Variants in RYR3 observed in about 807,000 individuals in gnomAD.
RYR3 encodes brain ryanodine receptor-calcium release channel.
RYR3 carries 207 observed loss-of-function variants against 584.3 expected under a neutral mutation model. That is an observed-to-expected ratio of 0.35 (90% CI 0.32 to 0.40). The LOEUF (loss-of-function observed/expected upper bound fraction) is 0.40, where lower values mean the gene tolerates loss of function less well. Among genes scored for constraint, RYR3 ranks in the 10% least tolerant of loss-of-function variants. The pLI is 1.00. For synonymous variants in RYR3, 2,416 were observed against 2,248.5 expected (o/e 1.07, Z -2.11); for missense variants, 5,616 against 6,089.2 (o/e 0.92, Z 2.59).
chr15:33,847,832 C>T (rs16958142), intron 93 of RYR3, among the ~76,000 whole-genome samples: 1 of 152,256 alleles, frequency 6.6e-6, no homozygotes, highest in African/African-American at 2.4e-5. Context: ...TGACCTTCAA[C>T]GCCATGAGAT....
At chr15:33,520,116 A>G (rs1051320561) in intron 3 of RYR3, among the ~76,000 whole-genome samples, 1 of 152,240 alleles carries the variant, frequency 6.6e-6, no homozygotes, top group Admixed American at 6.5e-5. Flanking sequence ...GAGGAGGATC[A>G]GATAACAAAA....
intron 9 of RYR3, among the ~76,000 whole-genome samples, chr15:33,549,448 T>C (rs1163436107): frequency 6.6e-6 from 1 of 152,232 alleles, no homozygotes; most frequent in Non-Finnish European, 1.5e-5. Flanking sequence ...AGATAAGTAT[T>C]TTGCATATGA....
chr15:33,355,918 A>G (rs558830802), intron 1 of RYR3, among the ~76,000 whole-genome samples: 2 of 152,320 alleles, frequency 1.3e-5, no homozygotes, highest in South Asian at 2.1e-4. Context: ...TCATTTGTCT[A>G]TTCAAAACTT....
chr15:33,472,045 T>A (rs1301620915), intron 1 of RYR3, among the ~76,000 whole-genome samples: 1 of 152,222 alleles, frequency 6.6e-6, no homozygotes, highest in Non-Finnish European at 1.5e-5. Flanking sequence ...TTCTTCAGTC[T>A]CAATTAAAAT....
chr15:33,597,967 C>G (rs890837730), intron 16 of RYR3, among the ~76,000 whole-genome samples: 2 of 151,234 alleles, frequency 1.3e-5, no homozygotes, highest in Non-Finnish European at 1.5e-5. Context: ...CAACCCTAGG[C>G]AATTGTCAGC....
rs2066263126 is a variant in RYR3 at position 33,701,000 on chromosome 15, A to G, written c.6403A>G (p.Thr2135Ala). 1 of 1,612,976 alleles carries G rather than the reference A, an allele frequency of 6.2e-7. No homozygotes were observed. Among genetic ancestry groups the G allele is most frequent in the African/African-American group, 1.3e-5 (1 of 74,820 alleles). ...AGCCTCCCCGTCGATGAGGGGATCCACCCCGCTGGATGTGGCAGCTTCCTC... is the reference window on the plus strand; with the variant it reads ...AGCCTCCCCGTCGATGAGGGGATCCGCCCCGCTGGATGTGGCAGCTTCCTC... ...GLASPSMRGSTPLDVAASSVM... is the reference protein window; with the variant it reads ...GLASPSMRGSAPLDVAASSVM... The change falls in exon 42 of 104, where the codon ACC (threonine) becomes GCC (alanine). Residue 2135 changes from threonine (T) to alanine (A), a missense_variant. By Grantham distance (58) the Thr-to-Ala change is moderately conservative (BLOSUM62 0). Coordinates refer to ENST00000634891, the MANE Select transcript of RYR3 (RefSeq NM_001036.6).
chr15:33,793,222 C>G (rs1200481624), intron 67 of RYR3, among the ~76,000 whole-genome samples: 1 of 152,164 alleles, frequency 6.6e-6, no homozygotes, highest in Non-Finnish European at 1.5e-5. Flanking sequence ...TGCAGAACCT[C>G]TGTGTCCACC....
chr15:33,518,672 G>T (rs913457964), intron 3 of RYR3, among the ~76,000 whole-genome samples: 2 of 152,174 alleles, frequency 1.3e-5, no homozygotes, highest in Non-Finnish European at 2.9e-5. Context: ...CCGGGTCCCA[G>T]CTTCCATTCA....
chr15:33,360,067 G>T (rs145584877), intron 1 of RYR3, among the ~76,000 whole-genome samples: 1 of 152,168 alleles, frequency 6.6e-6, no homozygotes, highest in African/African-American at 2.4e-5. Flanking sequence ...AGTTTCACAA[G>T]TTCCGGGATT....
At chr15:33,672,539 A>G (rs978247260) in intron 38 of RYR3, among the ~76,000 whole-genome samples, 10 of 152,224 alleles carry the variant, frequency 6.6e-5, no homozygotes, top group African/African-American at 2.4e-4. Context: ...TGTTCCAGAC[A>G]TGATGAATCC....
chr15:33,505,730 G>T (rs368399125), intron 3 of RYR3, among the ~76,000 whole-genome samples: 1 of 152,162 alleles, frequency 6.6e-6, no homozygotes, highest in Admixed American at 6.5e-5. Context: ...CTGACCTCGT[G>T]ATCTGCCCAC....
chr15:33,349,421 T>A (rs906976964), intron 1 of RYR3, among the ~76,000 whole-genome samples: 1 of 152,152 alleles, frequency 6.6e-6, no homozygotes, highest in Non-Finnish European at 1.5e-5. Flanking sequence ...TCCTGTTGCT[T>A]GCCATCCTTA....
intron 4 of RYR3, among the ~76,000 whole-genome samples, chr15:33,531,699 G>A (rs1009053722): frequency 4.0e-5 from 6 of 151,178 alleles, no homozygotes; most frequent in South Asian, 4.2e-4. Flanking sequence ...CTGAACATTC[G>A]TCTGCTGTAG....
chr15:33,643,823 A>G (rs549282233), intron 27 of RYR3, among the ~76,000 whole-genome samples: 62 of 152,320 alleles, frequency 4.1e-4, no homozygotes, highest in African/African-American at 1.4e-3. Context: ...AGGCTGCTAC[A>G]GTGCAGCAAG....
intron 47 of RYR3, among the ~76,000 whole-genome samples, chr15:33,729,469 C>A (rs1230544721): frequency 2.0e-5 from 3 of 152,112 alleles, no homozygotes; most frequent in African/African-American, 7.2e-5. Flanking sequence ...GGCTGGCTGG[C>A]AACATTATAG....
chr15:33,601,359 G>T, intron 16 of RYR3, 60 bp from the exon 17 acceptor site: 1 of 1,568,208 alleles, frequency 6.4e-7, no homozygotes. Context: ...GCATTGTGGT[G>T]GTCCTGCCTG....
Position 33,311,440 on chromosome 15 carries a change from A to G in RYR3, c.51+344A>G, listed in dbSNP as rs1255200615. Among the ~76,000 whole-genome samples, 7 of 152,268 alleles carry G rather than the reference A, an allele frequency of 4.6e-5. No individual in the cohort carries two copies. In the South Asian group the frequency reaches 1.2e-3, roughly 27 times the overall value. On this transcript the variant is annotated intron_variant, in intron 1 of 103. Coordinates refer to ENST00000634891, the MANE Select transcript of RYR3 (RefSeq NM_001036.6). This position sits in a 1 kb window ranked among gnomAD's most constrained non-coding sequence, Gnocchi z 4.4. Reference sequence around the variant, plus strand: ...TTGTTCGCGGTTGTCCTGACCCATAAGATCGGCGTTGGAAGCCCTCGCCCC... The same window carrying G: ...TTGTTCGCGGTTGTCCTGACCCATAGGATCGGCGTTGGAAGCCCTCGCCCC...
At chr15:33,720,407 A>C (rs1277208559) in intron 43 of RYR3, among the ~76,000 whole-genome samples, 2 of 152,176 alleles carry the variant, frequency 1.3e-5, no homozygotes, top group African/African-American at 4.8e-5. Context: ...TCTGAGCATC[A>C]TGGGAGAAAT....
chr15:33,779,320 C>T (rs549451613), intron 64 of RYR3, among the ~76,000 whole-genome samples: 12 of 152,090 alleles, frequency 7.9e-5, no homozygotes, highest in South Asian at 2.1e-4. Flanking sequence ...TGTTTGTTTG[C>T]TTGCTTCACA....
Sources: gnomAD v4.1 joint callset for allele counts (sites outside exome capture counted in the v4.1 genomes callset) on GRCh38, gnomAD v4.1.1 for gene constraint, Gnocchi (gnomAD v3.1) non-coding constraint, MANE v1.5 for transcripts, NCBI Gene and HGNC (gene_info 2026-07-23, HGNC 2026-07-21) for gene names.